BCAT1: variants seen among roughly 807,000 people sequenced by gnomAD.
BCAT1 encodes branched chain amino acid transaminase 1, also known as branched-chain-amino-acid aminotransferase, cytosolic.
BCAT1 carries 48 observed loss-of-function variants against 52.4 expected under a neutral mutation model. That is an observed-to-expected ratio of 0.92 (90% confidence interval 0.73 to 1.16). The LOEUF (loss-of-function observed/expected upper bound fraction) is 1.16, where lower values mean the gene tolerates loss of function less well. BCAT1 is among the 50% of genes most tolerant of loss of function. The probability of loss-of-function intolerance (pLI) is 0.00; values close to 1 mark genes in which losing one functional copy is unlikely to be tolerated. For synonymous variants in BCAT1, 167 were observed against 161.3 expected, an observed-to-expected ratio of 1.04 and a Z score of -0.27; for missense variants, 451 against 457.1, an observed-to-expected ratio of 0.99 and a Z score of 0.12.
At chr12:24,881,254 C>A (rs1388848623) in intron 4 of BCAT1, 47 bp downstream of exon 4, 2 of 1,355,658 alleles carry the variant, frequency 1.5e-6, no homozygotes, top group Non-Finnish European at 2.1e-6. Context: ...AACACCGTGA[C>A]CCGTTACATT....
In BCAT1 at chr12:24,817,202, A is replaced by G. The variant is rs1939908279; in HGVS notation, c.*806T>C. ...CTGTCAGAATCAATCACAAATTCTA[A>G]TAAAGAGGTTTCATAATATAGAAAC... On this transcript the variant is annotated 3_prime_UTR_variant, in exon 11 of 11. Coordinates refer to ENST00000261192, the MANE Select transcript of BCAT1 (RefSeq NM_005504.7). 1 of 152,246 alleles carries G rather than the reference A, an allele frequency of 6.6e-6. No homozygotes were observed. Among genetic ancestry groups the G allele is most frequent in the Non-Finnish European group, 1.5e-5 (1 of 68,034 alleles). The allele number at this position is 152,246 out of a possible 1,614,324, so 9.4% of individuals were successfully genotyped here. A position where few individuals can be genotyped will look rare whatever the true frequency, so the allele number is the denominator to read the frequency against.
chr12:24,896,781 A>G (rs567001978), intron 2 of BCAT1, among the ~76,000 whole-genome samples: 1 of 152,318 alleles, frequency 6.6e-6, no homozygotes, highest in African/African-American at 2.4e-5. Flanking sequence ...AAAAAGAAAG[A>G]AAGTTTAGCA....
chr12:24,949,116 G>C (rs955424592), upstream of BCAT1: 3 of 602,544 alleles, frequency 5.0e-6, no homozygotes, highest in Admixed American at 9.1e-5. Flanking sequence ...CGGCCCTCTC[G>C]CGGCGGAGAC....
chr12:24,844,933 C>G (rs563113757), intron 6 of BCAT1, among the ~76,000 whole-genome samples: 1 of 138,328 alleles, frequency 7.2e-6, no homozygotes, highest in East Asian at 2.0e-4. Flanking sequence ...CTTAAAAGGG[C>G]CAGGCACAGT....
rs915686574 is a variant in BCAT1 at position 24,811,253 on chromosome 12, T to C, written c.*6755A>G. 6.6e-6 allele frequency: 1 copy of C among 152,216 alleles called. No homozygotes were observed. The highest frequency in any genetic ancestry group is 1.9e-4 in the East Asian group (1 of 5,200). The allele number at this position is 152,216 out of a possible 1,614,324, so 9.4% of individuals were successfully genotyped here. ...CTGTGTCATTTTGGTGTAAAAATACTATCCTACATTTACTTCCCTTGACCA... is the reference window on the plus strand; with the variant it reads ...CTGTGTCATTTTGGTGTAAAAATACCATCCTACATTTACTTCCCTTGACCA... On this transcript the variant is annotated 3_prime_UTR_variant, in exon 11 of 11. Transcript: ENST00000261192.
Position 24,924,744 on chromosome 12 carries a change from C to T in BCAT1, c.7-22859G>A, listed in dbSNP as rs187205521. ...GAGTAATATGTAAACAAAACAAACACATTTTGAGGTCAGCTAGGGAAAATT... is the reference window on the plus strand; with the variant it reads ...GAGTAATATGTAAACAAAACAAACATATTTTGAGGTCAGCTAGGGAAAATT... On this transcript the variant is annotated intron_variant, in intron 1 of 10. Transcript: ENST00000261192. 5.6e-4 allele frequency among the ~76,000 whole-genome samples: 85 copies of T among 152,050 alleles called. 1 individual carries two copies. The highest frequency in any genetic ancestry group is 5.0e-3 in the Admixed American group (77 of 15,264).
chr12:24,925,282 C>A (rs891044032), intron 1 of BCAT1, among the ~76,000 whole-genome samples: 1 of 152,090 alleles, frequency 6.6e-6, no homozygotes, highest in Non-Finnish European at 1.5e-5. Context: ...ACCTGACCTG[C>A]CCTGCAAATT....
chr12:24,886,776 C>G (rs968140599), intron 3 of BCAT1, among the ~76,000 whole-genome samples: 1 of 146,598 alleles, frequency 6.8e-6, no homozygotes, highest in African/African-American at 2.5e-5. Flanking sequence ...GACAGAGGAT[C>G]TATTGAGGCC....
At chr12:24,915,968 G>T (rs552450069) in intron 1 of BCAT1, among the ~76,000 whole-genome samples, 1 of 151,568 alleles carries the variant, frequency 6.6e-6, no homozygotes, top group African/African-American at 2.4e-5. Flanking sequence ...GACCACCCTG[G>T]GCAACATGGT....
At chr12:24,876,957 GA>G (rs375925260) in intron 5 of BCAT1, among the ~76,000 whole-genome samples, 141 of 146,288 alleles carry the variant, frequency 9.6e-4, no homozygotes, top group Middle Eastern at 7.0e-3. Flanking sequence ...CTTAAAAGCT[GA>G]AAAAAAAAAA....
intron 1 of BCAT1, among the ~76,000 whole-genome samples, chr12:24,919,587 A>G (rs995188261): frequency 1.2e-4 from 18 of 152,238 alleles, no homozygotes; most frequent in African/African-American, 4.3e-4. Context: ...TTGTTCTAAC[A>G]TAAGGTTATC....
intron 7 of BCAT1, among the ~76,000 whole-genome samples, chr12:24,836,922 G>GA (rs751751452): frequency 2.5e-5 from 2 of 78,882 alleles, no homozygotes; most frequent in African/African-American, 8.8e-5. Context: ...AAGAAAGAAA[G>GA]AAAGAAAGAA....
chr12:24,822,411 T>C (rs1940176539), intron 10 of BCAT1, among the ~76,000 whole-genome samples: 1 of 152,210 alleles, frequency 6.6e-6, no homozygotes, highest in South Asian at 2.1e-4. Flanking sequence ...TTTCGGTGGC[T>C]GTTGTTGGCC....
chr12:24,827,590 G>C (rs1385193290), intron 10 of BCAT1, among the ~76,000 whole-genome samples: 1 of 152,162 alleles, frequency 6.6e-6, no homozygotes, highest in Non-Finnish European at 1.5e-5. Context: ...CTAGGAGTTT[G>C]AGACCAGCCT....
intron 1 of BCAT1, among the ~76,000 whole-genome samples, chr12:24,916,138 GAC>G (rs1943403135): frequency 6.6e-6 from 1 of 152,204 alleles, no homozygotes; most frequent in Non-Finnish European, 1.5e-5. Context: ...CAGAATGGGT[GAC>G]AGAGTGAGAT....
intron 1 of BCAT1, among the ~76,000 whole-genome samples, chr12:24,931,054 C>T (rs532533658): frequency 7.9e-5 from 12 of 152,070 alleles, no homozygotes; most frequent in Admixed American, 5.2e-4. Flanking sequence ...AGGAGCCCAC[C>T]ACCACGCCTG....
chr12:24,892,093 T>TGTTTC (rs574973205), intron 3 of BCAT1, among the ~76,000 whole-genome samples: 21,133 of 150,628 alleles, frequency 0.14, 1,718 homozygotes, highest in Middle Eastern at 0.23. Flanking sequence ...TGTTTTGTTT[T>TGTTTC]GTTTCAATAG....
At chr12:24,855,512 C>A (rs947144477) in intron 5 of BCAT1, among the ~76,000 whole-genome samples, 2 of 152,098 alleles carry the variant, frequency 1.3e-5, no homozygotes, top group African/African-American at 4.8e-5. Context: ...TCCTGAGGAG[C>A]TGGGATTACA....
intron 3 of BCAT1, among the ~76,000 whole-genome samples, chr12:24,888,144 C>A (rs150023003): frequency 6.6e-6 from 1 of 152,128 alleles, no homozygotes; most frequent in East Asian, 1.9e-4. Context: ...GATGTTTCAC[C>A]ACAATATTTG....
Sources: gnomAD v4.1 joint callset for allele counts (sites outside exome capture counted in the v4.1 genomes callset) on GRCh38, gnomAD v4.1.1 for gene constraint, MANE v1.5 for transcripts, NCBI Gene and HGNC (gene_info 2026-07-23, HGNC 2026-07-21) for gene names.